NEK6: variants seen among roughly 807,000 people sequenced by gnomAD.
NEK6 encodes the protein NIMA related kinase 6, also known as serine/threonine-protein kinase Nek6.
A neutral mutation model predicts 43.5 loss-of-function variants in NEK6; 27 were observed. The observed-to-expected ratio is 0.62, with a 90% confidence interval of 0.46 to 0.86. NEK6 has a LOEUF of 0.86. NEK6 is among the 40% of genes least tolerant of loss of function. The probability of loss-of-function intolerance (pLI) is 0.00; values close to 1 mark genes in which losing one functional copy is unlikely to be tolerated. For missense variants in NEK6, 318 were observed against 414.4 expected (o/e 0.77, Z 2.02); for synonymous variants, 167 against 164.1 (o/e 1.02, Z -0.14).
intron 1 of NEK6, among the ~76,000 whole-genome samples, chr9:124,277,134 C>T (rs182892230): frequency 5.9e-5 from 9 of 152,302 alleles, no homozygotes; most frequent in East Asian, 5.8e-4. Flanking sequence ...CCTGAGGCCG[C>T]ACTTCCACCC....
intron 5 of NEK6, among the ~76,000 whole-genome samples, chr9:124,322,539 C>G (rs962990737): frequency 9.2e-5 from 14 of 152,346 alleles, no homozygotes; most frequent in African/African-American, 3.4e-4. Flanking sequence ...ACCTCAGCCT[C>G]TAGGTGGAAG....
intron 1 of NEK6, among the ~76,000 whole-genome samples, chr9:124,295,648 C>T (rs113150634): frequency 0.012 from 1,901 of 152,284 alleles, 36 homozygotes; most frequent in African/African-American, 0.043. Context: ...TAGCAGGGCC[C>T]GTCTAGGGGT....
chr9:124,292,512 G>C (rs1403835848), intron 1 of NEK6: 2 of 1,537,072 alleles, frequency 1.3e-6, no homozygotes, highest in African/African-American at 1.4e-5. Flanking sequence ...CACTGGATGG[G>C]ATTCTAGATG....
chr9:124,271,478 G>A (rs535410673), intron 1 of NEK6, among the ~76,000 whole-genome samples: 4 of 152,358 alleles, frequency 2.6e-5, no homozygotes, highest in South Asian at 4.1e-4. Flanking sequence ...ACTGTGCACC[G>A]GAGACCCGGC....
chr9:124,282,004 C>T (rs2118991673), intron 1 of NEK6, among the ~76,000 whole-genome samples: 1 of 152,350 alleles, frequency 6.6e-6, no homozygotes, highest in South Asian at 2.1e-4. Context: ...TCAAGAACCT[C>T]TGAGTCATGG....
chr9:124,258,061 G>C lies in NEK6; in HGVS notation c.-54G>C. 2.0e-6 allele frequency: 2 copies of C among 979,282 alleles called. No homozygotes were observed. The highest frequency in any genetic ancestry group is 2.4e-6 in the Non-Finnish European group (2 of 827,594). 60.7% of individuals were successfully genotyped at this position (979,282 alleles called of 1,614,324 possible). ...CGGGCCAGCGCACCGGTCCCCCAGC[G>C]GCAGCCGAGCCCGCCCGCGCGCCGG... On this transcript the variant is annotated 5_prime_UTR_variant, in exon 1 of 10. Coordinates refer to ENST00000320246, the MANE Select transcript of NEK6 (RefSeq NM_014397.6).
At chr9:124,300,236 G>A (rs1029441303) in intron 1 of NEK6, 3 of 152,186 alleles carry the variant, frequency 2.0e-5, no homozygotes, top group African/African-American at 7.2e-5. Context: ...AGGTCTGGTC[G>A]GCCCACCACT....
At position 124,324,734 on chromosome 9, in the gene NEK6, C is replaced by T. The variant is rs1225612572; in HGVS notation, c.406-1596C>T. ...CTCAGAACAGCCTCGAGGGGATTTA[C>T]GGCGAGGTCAGGGGCTCCCCACTGC... On this transcript the variant is annotated intron_variant, in intron 5 of 9. Coordinates refer to ENST00000320246, the MANE Select transcript of NEK6 (RefSeq NM_014397.6). This position sits in a 1 kb window ranked among gnomAD's most constrained non-coding sequence, Gnocchi z 5.3. Among the ~76,000 whole-genome samples, 4 of 152,058 alleles carry T rather than the reference C, an allele frequency of 2.6e-5. No individual in the cohort carries two copies. Among genetic ancestry groups the T allele is most frequent in the South Asian group, 4.1e-4 (2 of 4,822 alleles).
At position 124,343,159 on chromosome 9, in the gene NEK6, C is replaced by T. The variant is rs566527868; in HGVS notation, c.717+3494C>T. Among the ~76,000 whole-genome samples, 2 of 151,388 alleles carry T rather than the reference C, an allele frequency of 1.3e-5. No homozygotes were observed. Among genetic ancestry groups the T allele is most frequent in the South Asian group, 4.2e-4 (2 of 4,808 alleles). ...CCTGGCATTGAGGCTCGGGTTACGC[C>T]GAGCTGACTCATTTGTTGGAGTGAG... On this transcript the variant is annotated intron_variant, in intron 8 of 9. Coordinates refer to ENST00000320246, the MANE Select transcript of NEK6 (RefSeq NM_014397.6). This position sits in a 1 kb window ranked among gnomAD's most constrained non-coding sequence, Gnocchi z 5.1.
At chr9:124,281,563 C>T (rs906673283) in intron 1 of NEK6, among the ~76,000 whole-genome samples, 2 of 131,206 alleles carry the variant, frequency 1.5e-5, no homozygotes, top group Middle Eastern at 5.6e-3. Flanking sequence ...TGCAGTGGTG[C>T]GATCCCAGCT....
chr9:124,297,070 A>G (rs1210444472), intron 1 of NEK6, among the ~76,000 whole-genome samples: 1 of 152,206 alleles, frequency 6.6e-6, no homozygotes, highest in African/African-American at 2.4e-5. Context: ...CACGTAGATG[A>G]TGAAGACGTT....
intron 4 of NEK6, among the ~76,000 whole-genome samples, chr9:124,320,791 T>G (rs1265472297): frequency 6.6e-6 from 1 of 152,106 alleles, no homozygotes; most frequent in East Asian, 1.9e-4. Context: ...TCCAGGGATT[T>G]TTTTCAACAT....
intron 8 of NEK6, among the ~76,000 whole-genome samples, chr9:124,340,287 A>G (rs1349520374): frequency 1.3e-5 from 2 of 152,072 alleles, no homozygotes; most frequent in Admixed American, 6.5e-5. Context: ...CCCCCCACCC[A>G]TTTTGTCCAG....
chr9:124,328,252 G>T (rs1227110265), intron 7 of NEK6, among the ~76,000 whole-genome samples: 1 of 152,138 alleles, frequency 6.6e-6, no homozygotes, highest in Non-Finnish European at 1.5e-5. Context: ...TGAGAACAAA[G>T]GAACCAAGAA....
chr9:124,327,682 A>G (rs1210393899), intron 7 of NEK6, among the ~76,000 whole-genome samples: 1 of 152,164 alleles, frequency 6.6e-6, no homozygotes, highest in Non-Finnish European at 1.5e-5. Context: ...TTGCGGGAGA[A>G]GCTGACTGAG....
At chr9:124,282,978 A>G (rs1831989512) in intron 1 of NEK6, among the ~76,000 whole-genome samples, 1 of 152,224 alleles carries the variant, frequency 6.6e-6, no homozygotes, top group Non-Finnish European at 1.5e-5. Context: ...GACAAAGGGC[A>G]GCCTGTGGGG....
At chr9:124,287,854 G>T (rs913182432) in intron 1 of NEK6, among the ~76,000 whole-genome samples, 1 of 152,128 alleles carries the variant, frequency 6.6e-6, no homozygotes, top group Non-Finnish European at 1.5e-5. Context: ...CAGAAGAAAT[G>T]TGTCATTTCA....
chr9:124,269,245 G>A (rs1032564719), intron 1 of NEK6, among the ~76,000 whole-genome samples: 3 of 152,124 alleles, frequency 2.0e-5, no homozygotes, highest in Non-Finnish European at 4.4e-5. Context: ...AGTGGCCCAG[G>A]AGCAAATCCA....
intron 1 of NEK6, among the ~76,000 whole-genome samples, chr9:124,274,888 C>T (rs76468728): frequency 0.014 from 2,103 of 152,210 alleles, 45 homozygotes; most frequent in African/African-American, 0.049. Context: ...AGGGGCTGCC[C>T]GAGATGCCAT....
Sources: gnomAD v4.1 joint callset for allele counts (sites outside exome capture counted in the v4.1 genomes callset) on GRCh38, gnomAD v4.1.1 for gene constraint, Gnocchi (gnomAD v3.1) non-coding constraint, MANE v1.5 for transcripts, NCBI Gene and HGNC (gene_info 2026-07-23, HGNC 2026-07-21) for gene names.